CD84: variants seen among roughly 807,000 people sequenced by gnomAD.
CD84 encodes the protein CD84 molecule.
A neutral mutation model predicts 33.8 loss-of-function variants in CD84; 22 were observed. The observed-to-expected ratio is 0.65, with a 90% confidence interval of 0.46 to 0.93. The LOEUF is 0.93. Ranked by LOEUF, CD84 falls within the 40% of genes least tolerant of loss-of-function variation. The pLI is 0.00. For missense variants in CD84, 400 were observed against 397.6 expected, an observed-to-expected ratio of 1.01 and a Z score of -0.05; for synonymous variants, 154 against 145.2, an observed-to-expected ratio of 1.06 and a Z score of -0.44.
At position 160,543,502 on chromosome 1, in the gene CD84, G is replaced by A. The variant is rs778714714; in HGVS notation, c.*4754C>T. 2 of 151,940 alleles carry A rather than the reference G, an allele frequency of 1.3e-5. No individual in the cohort carries two copies. Among genetic ancestry groups the A allele is most frequent in the African/African-American group, 2.4e-5 (1 of 41,380 alleles). The allele number at this position is 151,940 out of a possible 1,614,324, so 9.4% of individuals were successfully genotyped here. The stretch of plus-strand genomic sequence containing the variant: ...ACTTTACAAGGCTGTCATGAGTATT[G>A]ACAACAATGTATGAAGCATCTAGTT... On this transcript the variant is annotated 3_prime_UTR_variant, in exon 7 of 7. Transcript: ENST00000368054.
In CD84 at chr1:160,542,463, T is replaced by A. The variant is rs1305961268; in HGVS notation, c.*5793A>T. 1.3e-5 allele frequency: 2 copies of A among 152,228 alleles called. No individual in the cohort carries two copies. The highest frequency in any genetic ancestry group is 2.9e-5 in the Non-Finnish European group (2 of 68,044). 9.4% of individuals were successfully genotyped at this position (152,228 alleles called of 1,614,324 possible). A position where few individuals can be genotyped will look rare whatever the true frequency, so the allele number is the denominator to read the frequency against. ...AACTTGAGGTGACTTCTGACATCTA[T>A]GCAGAGATGACCCATAAACTATTGG... On this transcript the variant is annotated 3_prime_UTR_variant, in exon 7 of 7. Transcript: ENST00000368054.
intron 4 of CD84, among the ~76,000 whole-genome samples, chr1:160,551,903 G>A (rs1256107833): frequency 5.9e-5 from 9 of 152,208 alleles, no homozygotes; most frequent in Non-Finnish European, 2.9e-5. Flanking sequence ...CTCTGTGTGA[G>A]GCCCCAGAGA....
rs770528556 is a variant in CD84, at chr1:160,551,085, T to C, written c.761-50A>G. On this transcript the variant is annotated intron_variant, in intron 4 of 6. Transcript: ENST00000368054. Reference sequence around the variant, plus strand: ...CACAGTCTGTGAAAGGTGGTTTTTTTAGCAATGATCTATTCCAATGTTCTC... The same window carrying C: ...CACAGTCTGTGAAAGGTGGTTTTTTCAGCAATGATCTATTCCAATGTTCTC... The C allele has an allele frequency of 3.1e-5, 41 of 1,317,340 alleles. No individual in the cohort carries two copies. The South Asian group carries it at 3.8e-4, about 12-fold the overall frequency. 81.6% of individuals were successfully genotyped at this position (1,317,340 alleles called of 1,614,324 possible).
At chr1:160,574,173 T>G (rs1290056974) in intron 1 of CD84, among the ~76,000 whole-genome samples, 2 of 147,340 alleles carry the variant, frequency 1.4e-5, no homozygotes, top group East Asian at 4.0e-4. Flanking sequence ...TTTCCAACAA[T>G]AGAAAAACAA....
In CD84 at chr1:160,543,108, T is replaced by G. The variant is rs547394579; in HGVS notation, c.*5148A>C. 3 of 152,236 alleles carry G rather than the reference T, an allele frequency of 2.0e-5. No homozygotes were observed. In the East Asian group the frequency reaches 5.8e-4, roughly 29 times the overall value. The allele number at this position is 152,236 out of a possible 1,614,324, so 9.4% of individuals were successfully genotyped here. A position where few individuals can be genotyped will look rare whatever the true frequency, so the allele number is the denominator to read the frequency against. On this transcript the variant is annotated 3_prime_UTR_variant, in exon 7 of 7. Coordinates refer to ENST00000368054, the MANE Select transcript of CD84 (RefSeq NM_003874.4). ...TATAGAGAGCTCTATCCAACCTTCTTTAATTAAATGGGCATTTTCAGCAGG... is the reference window on the plus strand; with the variant it reads ...TATAGAGAGCTCTATCCAACCTTCTGTAATTAAATGGGCATTTTCAGCAGG...
intron 1 of CD84, among the ~76,000 whole-genome samples, chr1:160,571,669 TG>T (rs1216412374): frequency 6.6e-6 from 1 of 151,146 alleles, no homozygotes; most frequent in Non-Finnish European, 1.5e-5. Flanking sequence ...GACTGGGGGC[TG>T]GGGGGGAGGA....
intron 5 of CD84, 90 bp downstream of exon 5, chr1:160,550,848 T>C: frequency 1.3e-6 from 2 of 1,590,486 alleles, no homozygotes; most frequent in Non-Finnish European, 8.5e-7. Context: ...GGCTGCTTTC[T>C]AGACAACAAC....
intron 2 of CD84, among the ~76,000 whole-genome samples, chr1:160,554,484 T>A (rs946419387): frequency 6.6e-6 from 1 of 152,218 alleles, no homozygotes; most frequent in African/African-American, 2.4e-5. Context: ...GCAATTGCTA[T>A]AAGCTAGGAC....
chr1:160,552,836 G>A, intron 4 of CD84: 2 of 852,242 alleles, frequency 2.3e-6, no homozygotes, highest in Non-Finnish European at 2.0e-6. Flanking sequence ...GGGTGGACAT[G>A]GGATGTGGGT....
chr1:160,572,080 G>A (rs1177553188), intron 1 of CD84, among the ~76,000 whole-genome samples: 2 of 152,232 alleles, frequency 1.3e-5, no homozygotes, highest in East Asian at 1.9e-4. Context: ...GCTGCTTGGT[G>A]AAGTAGAGTG....
At chr1:160,576,256 G>T (rs1447621181) in intron 1 of CD84, among the ~76,000 whole-genome samples, 4 of 152,104 alleles carry the variant, frequency 2.6e-5, no homozygotes, top group Non-Finnish European at 5.9e-5. Flanking sequence ...AGAATTTTAG[G>T]TCTCAACTGC....
Position 160,553,413 on chromosome 1 carries a change from GAAGACAGAATGAGAAC to G in CD84, c.709_724del (p.Val237GlnfsTer54). 6.2e-7 allele frequency: 1 copy of G among 1,614,108 alleles called. No homozygotes were observed. Among genetic ancestry groups the G allele is most frequent in the Non-Finnish European group, 8.5e-7 (1 of 1,180,022 alleles). On this transcript the variant is annotated frameshift_variant, in exon 4 of 7. Coordinates refer to ENST00000368054, the MANE Select transcript of CD84 (RefSeq NM_003874.4). LOFTEE classifies it high-confidence loss of function. ...CTTGAACAAACGGAACAAAAACACT[GAAGACAGAATGAGAAC>G]AAGCAGAAAGAACATAGCCAGCACG...
At chr1:160,555,381 C>A (rs779457846) in intron 2 of CD84, among the ~76,000 whole-genome samples, 3 of 152,074 alleles carry the variant, frequency 2.0e-5, no homozygotes, top group African/African-American at 7.2e-5. Context: ...CCGCACCCAG[C>A]CAAAATAATC....
At chr1:160,575,060 C>T (rs1201492725) in intron 1 of CD84, among the ~76,000 whole-genome samples, 1 of 152,126 alleles carries the variant, frequency 6.6e-6, no homozygotes, top group Non-Finnish European at 1.5e-5. Context: ...AGTTGCTTAA[C>T]AGACACCTCC....
At position 160,542,902 on chromosome 1, in the gene CD84, A is replaced by G. The variant is rs1373124078; in HGVS notation, c.*5354T>C. ...CTTGGATGGGGGCTTATTTAAGTCT[A>G]AACATGCACAGTTGTTTTTTTTAAC... On this transcript the variant is annotated 3_prime_UTR_variant, in exon 7 of 7. Transcript: ENST00000368054. 1 of 152,076 alleles carries G rather than the reference A, an allele frequency of 6.6e-6. No individual in the cohort carries two copies. The highest frequency in any genetic ancestry group is 1.5e-5 in the Non-Finnish European group (1 of 68,042). The allele number at this position is 152,076 out of a possible 1,614,324, so 9.4% of individuals were successfully genotyped here. A position where few individuals can be genotyped will look rare whatever the true frequency, so the allele number is the denominator to read the frequency against.
chr1:160,553,796 G>A, intron 3 of CD84, 99 bp downstream of exon 3: 5 of 1,569,496 alleles, frequency 3.2e-6, no homozygotes, highest in Non-Finnish European at 3.5e-6. Context: ...AAAGATAAAG[G>A]AAGCACATCT....
In CD84 at chr1:160,579,491, C is replaced by T; in HGVS notation, c.-54G>A. On this transcript the variant is annotated 5_prime_UTR_variant, in exon 1 of 7. Transcript: ENST00000368054. The stretch of plus-strand genomic sequence containing the variant: ...AAGCACGGCACTGTTCTAGCAGAGT[C>T]AGTTTCACTTGAGTTTTCTTCCTCC... 6.3e-7 allele frequency: 1 copy of T among 1,596,050 alleles called. No homozygotes were observed. Among genetic ancestry groups the T allele is most frequent in the East Asian group, 2.2e-5 (1 of 44,572 alleles).
chr1:160,578,762 G>A lies in CD84; in HGVS notation c.46+630C>T, dbSNP rs139604286. On this transcript the variant is annotated intron_variant, in intron 1 of 6. Coordinates refer to ENST00000368054, the MANE Select transcript of CD84 (RefSeq NM_003874.4). ...TAGTTTACTGTTATGCCATAAGTAA[G>A]AAAAATAGGGTTTTTAATTCAAGTT... is the stretch of plus-strand genomic sequence containing the variant. Among the ~76,000 whole-genome samples the A allele has an allele frequency of 2.0e-5, 3 of 152,082 alleles. No individual in the cohort carries two copies. The South Asian group carries it at 6.2e-4, about 31-fold the overall frequency.
At chr1:160,553,551 C>T (rs1325260476) in intron 3 of CD84, 54 bp from the exon 4 acceptor site, 1 of 1,607,294 alleles carries the variant, frequency 6.2e-7, no homozygotes, top group African/African-American at 1.3e-5. Flanking sequence ...GCCCAAGAGG[C>T]TGGGCAGGTT....
Sources: allele counts gnomAD v4.1 joint callset (sites outside exome capture counted in the v4.1 genomes callset), GRCh38; gene constraint gnomAD v4.1.1; transcripts MANE v1.5; gene names NCBI Gene and HGNC (gene_info 2026-07-23, HGNC 2026-07-21).